Variants in CSMD3 observed in about 807,000 individuals in gnomAD.
CSMD3 encodes CUB and sushi domain-containing protein 3.
A neutral mutation model predicts 435.2 loss-of-function variants in CSMD3; 177 were observed. That is an observed-to-expected ratio of 0.41 (90% CI 0.36 to 0.46). The LOEUF is 0.46. CSMD3 is among the 20% of genes least tolerant of loss of function. The probability of loss-of-function intolerance (pLI) is 0.34; values close to 1 mark genes in which losing one functional copy is unlikely to be tolerated. For synonymous variants in CSMD3, 1,656 were observed against 1,520.5 expected (o/e 1.09, Z -2.07); for missense variants, 4,265 against 4,504.6 (o/e 0.95, Z 1.52).
chr8:113,217,832 T>G (rs963854792), intron 3 of CSMD3, among the ~76,000 whole-genome samples: 1 of 150,988 alleles, frequency 6.6e-6, no homozygotes, highest in African/African-American at 2.4e-5. Context: ...TAAATTTGTT[T>G]AAAATAATCA....
In CSMD3 at chr8:112,301,912, T is replaced by G; in HGVS notation, c.8321A>C (p.Gln2774Pro). The change falls in exon 53 of 71, where the codon CAA becomes CCA. Residue 2774 changes from glutamine to proline, a missense_variant. Transcript: ENST00000297405. The part of the protein sequence containing the change: ...TPPNGNKIGT[Q>P]TSYGSTAIFT... ...GATAGCTGTTGAGCCATATGAAGTT[T>G]GAGTTCCAATCTTATTTCCATTTGG... 1 of 1,613,148 alleles carries G rather than the reference T, an allele frequency of 6.2e-7. No individual in the cohort carries two copies. The highest frequency in any genetic ancestry group is 8.5e-7 in the Non-Finnish European group (1 of 1,179,182).
chr8:112,934,622 T>C (rs1174344220), intron 9 of CSMD3, among the ~76,000 whole-genome samples: 1 of 152,204 alleles, frequency 6.6e-6, no homozygotes, highest in Non-Finnish European at 1.5e-5. Context: ...GTCCAAGGTT[T>C]GAGAAATTGT....
At position 113,035,336 on chromosome 8, in the gene CSMD3, C is replaced by A. The variant is rs995370254; in HGVS notation, c.918-16157G>T. ...GCAGTATTATAAACAAGTTTATGTA[C>A]ATTCAAGAACATAGATGAATCTCAA... On this transcript the variant is annotated intron_variant, in intron 5 of 70. Coordinates refer to ENST00000297405, the MANE Select transcript of CSMD3 (RefSeq NM_198123.2). Among the ~76,000 whole-genome samples the A allele has an allele frequency of 7.9e-5, 12 of 152,018 alleles. No homozygotes were observed. In the South Asian group the frequency reaches 1.7e-3, roughly 21 times the overall value.
intron 5 of CSMD3, among the ~76,000 whole-genome samples, chr8:113,043,407 A>G (rs2087705278): frequency 6.6e-6 from 1 of 152,186 alleles, no homozygotes; most frequent in South Asian, 2.1e-4. Flanking sequence ...GACTTAAGTC[A>G]GCATCATTTT....
intron 13 of CSMD3, among the ~76,000 whole-genome samples, chr8:112,776,960 T>TA (rs1245588803): frequency 2.0e-5 from 3 of 151,792 alleles, no homozygotes; most frequent in Non-Finnish European, 4.4e-5. Flanking sequence ...ATCCGAAACA[T>TA]AAATGTGGCT....
intron 17 of CSMD3, among the ~76,000 whole-genome samples, chr8:112,665,211 T>C (rs2075492210): frequency 6.6e-6 from 1 of 152,174 alleles, no homozygotes; most frequent in Admixed American, 6.6e-5. Flanking sequence ...ACTTCCTTTT[T>C]TTGTCTATAA....
intron 59 of CSMD3, among the ~76,000 whole-genome samples, chr8:112,273,831 C>T (rs1817760271): frequency 6.6e-6 from 1 of 150,484 alleles, no homozygotes; most frequent in Non-Finnish European, 1.5e-5. Context: ...CTGAGTTGCT[C>T]TTATTCATCA....
intron 2 of CSMD3, among the ~76,000 whole-genome samples, chr8:113,297,219 C>T (rs1474077687): frequency 6.6e-6 from 1 of 152,010 alleles, no homozygotes; most frequent in East Asian, 1.9e-4. Flanking sequence ...ATAAGATACT[C>T]TATTAGGTCT....
chr8:113,329,286 T>C (rs1180687436), intron 1 of CSMD3, among the ~76,000 whole-genome samples: 1 of 151,600 alleles, frequency 6.6e-6, no homozygotes, highest in Non-Finnish European at 1.5e-5. Context: ...ATAACACTAT[T>C]AATGAGAAAT....
intron 5 of CSMD3, among the ~76,000 whole-genome samples, chr8:113,058,905 G>T (rs143822142): frequency 9.2e-5 from 14 of 151,872 alleles, no homozygotes; most frequent in African/African-American, 3.1e-4. Flanking sequence ...AAGTATACTG[G>T]AGATAATATA....
At position 112,701,857 on chromosome 8, in the gene CSMD3, AG is replaced by A. The variant is rs2076396198; in HGVS notation, c.1973-11808del. ...GGCATGACATCTTCTCTGCCTGAAA[AG>A]AAGGCATTCTCTGAGTGTATAAAAC... On this transcript the variant is annotated intron_variant, in intron 13 of 70. Coordinates refer to ENST00000297405, the MANE Select transcript of CSMD3 (RefSeq NM_198123.2). Among the ~76,000 whole-genome samples the A allele has an allele frequency of 1.3e-5, 2 of 152,140 alleles. 1 individual carries two copies. The highest frequency in any genetic ancestry group is 4.1e-4 in the South Asian group (2 of 4,834).
chr8:112,964,642 T>C (rs2084350792), intron 7 of CSMD3, among the ~76,000 whole-genome samples: 1 of 151,810 alleles, frequency 6.6e-6, no homozygotes, highest in South Asian at 2.1e-4. Flanking sequence ...TTCAGAAGAG[T>C]TGATGAGACT....
chr8:112,317,477 C>T (rs1309650661), intron 47 of CSMD3, among the ~76,000 whole-genome samples: 11 of 151,958 alleles, frequency 7.2e-5, no homozygotes. Flanking sequence ...TGTATAACCC[C>T]TCAAAGGTTG....
chr8:112,985,924 A>T (rs1564180142), intron 6 of CSMD3, among the ~76,000 whole-genome samples: 1 of 152,186 alleles, frequency 6.6e-6, no homozygotes, highest in East Asian at 1.9e-4. Context: ...ATAATAATAG[A>T]AACAAAGTAC....
intron 34 of CSMD3, among the ~76,000 whole-genome samples, 160 bp downstream of exon 34, chr8:112,408,158 T>C (rs1268273095): frequency 2.0e-5 from 3 of 152,054 alleles, no homozygotes; most frequent in Non-Finnish European, 2.9e-5. Flanking sequence ...TTTTGTTTAC[T>C]TTGGTCAAGG....
At chr8:112,260,727 G>C (rs1399899119) in intron 61 of CSMD3, among the ~76,000 whole-genome samples, 1 of 151,934 alleles carries the variant, frequency 6.6e-6, no homozygotes, top group Non-Finnish European at 1.5e-5. Flanking sequence ...TCCTCCATGA[G>C]TCAGAATTTT....
At chr8:112,913,927 T>C (rs1564098023) in intron 10 of CSMD3, among the ~76,000 whole-genome samples, 1 of 151,968 alleles carries the variant, frequency 6.6e-6, no homozygotes. Flanking sequence ...GTAGCTCTTA[T>C]TGTGATATAT....
intron 2 of CSMD3, among the ~76,000 whole-genome samples, chr8:113,286,602 C>T (rs1444337006): frequency 1.3e-5 from 2 of 151,706 alleles, no homozygotes; most frequent in Admixed American, 6.6e-5. Flanking sequence ...AAGAATGATA[C>T]CTGTCTCACT....
chr8:112,354,876 A>G (rs1402821038), intron 38 of CSMD3, among the ~76,000 whole-genome samples: 1 of 152,224 alleles, frequency 6.6e-6, no homozygotes, highest in African/African-American at 2.4e-5. Context: ...GAACTGAAGT[A>G]AAGCCCAAAT....
Sources: allele counts gnomAD v4.1 joint callset (sites outside exome capture counted in the v4.1 genomes callset), GRCh38; gene constraint gnomAD v4.1.1; transcripts MANE v1.5; gene names NCBI Gene and HGNC (gene_info 2026-07-23, HGNC 2026-07-21).